CREBBP: variants seen among roughly 807,000 people sequenced by gnomAD.
CREBBP encodes CREB binding lysine acetyltransferase.
Under a neutral mutation model 265.0 loss-of-function variants are expected in CREBBP, and 19 were observed. The observed-to-expected ratio is 0.07, with a 90% confidence interval of 0.05 to 0.11. CREBBP has a LOEUF of 0.11. CREBBP is among the 10% of genes least tolerant of loss of function. The pLI is 1.00. For synonymous variants in CREBBP, 1,457 were observed against 1,223.7 expected, an observed-to-expected ratio of 1.19 and a Z score of -3.98; for missense variants, 2,525 against 3,219.0, an observed-to-expected ratio of 0.78 and a Z score of 5.22.
At position 3,726,250 on chromosome 16, in the gene CREBBP, AGCCGCCTGAACACGGGAAGAAGC is replaced by A. The variant is rs1277213765; in HGVS notation, c.*1445_*1467del. 1 of 223,886 alleles carries A rather than the reference AGCCGCCTGAACACGGGAAGAAGC, an allele frequency of 4.5e-6. No individual in the cohort carries two copies. The highest frequency in any genetic ancestry group is 6.2e-5 in the East Asian group (1 of 16,092). 13.9% of individuals were successfully genotyped at this position (223,886 alleles called of 1,614,324 possible). A position where few individuals can be genotyped will look rare whatever the true frequency, so the allele number is the denominator to read the frequency against. ...CTGGGAGTCGTGTACGGGGGGGGGG[AGCCGCCTGAACACGGGAAGAAGC>A]GCCGCCTCTGGGGGTGGCAGCTACG... is the stretch of plus-strand genomic sequence containing the variant. On this transcript the variant is annotated 3_prime_UTR_variant, in exon 31 of 31. Transcript: ENST00000262367.
At chr16:3,737,454 T>TC (rs2052092521) in intron 26 of CREBBP, among the ~76,000 whole-genome samples, 1 of 149,276 alleles carries the variant, frequency 6.7e-6, no homozygotes, top group African/African-American at 2.6e-5. Context: ...TTTTCTTTTT[T>TC]CTTTTTTTTT....
chr16:3,797,789 T>A (rs570884573), intron 3 of CREBBP, among the ~76,000 whole-genome samples: 14 of 151,488 alleles, frequency 9.2e-5, no homozygotes, highest in South Asian at 8.3e-4. Flanking sequence ...AAAAAAAAAA[T>A]TCACATGAAC....
chr16:3,877,162 C>A (rs573720388), intron 1 of CREBBP, among the ~76,000 whole-genome samples: 1 of 152,190 alleles, frequency 6.6e-6, no homozygotes, highest in Non-Finnish European at 1.5e-5. Context: ...ACCGGGCACA[C>A]ACCCTGCTCC....
chr16:3,791,532 G>C (rs985021447), intron 5 of CREBBP, among the ~76,000 whole-genome samples: 3 of 152,196 alleles, frequency 2.0e-5, no homozygotes, highest in African/African-American at 7.2e-5. Context: ...GACTGACAGA[G>C]CCTTCAAAAT....
intron 2 of CREBBP, among the ~76,000 whole-genome samples, chr16:3,842,967 CAAAAAAAAAAAAAA>C (rs59990532): frequency 7.7e-5 from 5 of 65,228 alleles, no homozygotes; most frequent in Admixed American, 1.8e-4. Context: ...ACTCCCATCT[CAAAAAAAAAAAAAA>C]AAAAAAAAAA....
intron 1 of CREBBP, among the ~76,000 whole-genome samples, chr16:3,862,504 C>T (rs2055097781): frequency 6.6e-6 from 1 of 152,200 alleles, no homozygotes; most frequent in Non-Finnish European, 1.5e-5. Context: ...CTCAACACAG[C>T]ACTTACATTT....
chr16:3,768,778 C>T (rs1241300069), intron 15 of CREBBP, among the ~76,000 whole-genome samples: 1 of 152,170 alleles, frequency 6.6e-6, no homozygotes, highest in African/African-American at 2.4e-5. Context: ...GTGGGCCAAA[C>T]ACATTTAGAG....
intron 27 of CREBBP, 121 bp from the exon 28 acceptor site, chr16:3,736,324 T>C (rs1567269586): frequency 9.5e-7 from 1 of 1,049,454 alleles, no homozygotes; most frequent in Non-Finnish European, 1.5e-6. Flanking sequence ...CATGCATGTG[T>C]GCCCCCCCAC....
At chr16:3,805,195 T>C (rs944647904) in intron 3 of CREBBP, among the ~76,000 whole-genome samples, 2 of 152,230 alleles carry the variant, frequency 1.3e-5, no homozygotes, top group African/African-American at 2.4e-5. Context: ...ATGGAGTCAA[T>C]AGATGTAAAC....
intron 1 of CREBBP, among the ~76,000 whole-genome samples, chr16:3,870,934 T>C (rs1032789455): frequency 3.3e-5 from 5 of 151,070 alleles, no homozygotes; most frequent in Non-Finnish European, 5.9e-5. Context: ...CGAGGCAGGA[T>C]TGCTGAAGGA....
chr16:3,861,858 C>A (rs1798432450), intron 1 of CREBBP, among the ~76,000 whole-genome samples: 1 of 151,956 alleles, frequency 6.6e-6, no homozygotes, highest in South Asian at 2.1e-4. Context: ...ACACACCAAT[C>A]CCTAATTAGA....
chr16:3,728,417 CTGCTGTTGT>C lies in CREBBP; in HGVS notation c.6621_6629del (p.Gln2214_Gln2216del), dbSNP rs727503890. The C allele has an allele frequency of 2.0e-5, 33 of 1,613,124 alleles. No individual in the cohort carries two copies. Among genetic ancestry groups the C allele is most frequent in the East Asian group, 2.2e-5 (1 of 44,870 alleles). On this transcript the variant is annotated inframe_deletion, in exon 31 of 31. Coordinates refer to ENST00000262367, the MANE Select transcript of CREBBP (RefSeq NM_004380.3). The surrounding 1 kb of genome is among the most constrained non-coding windows in gnomAD (Gnocchi z 8.7). ...CACTCCCTTGCTGCTGCTGCTGTTG[CTGCTGTTGT>C]TGCTGCTGCTGTTGCTGCTGCTGCT...
chr16:3,816,507 C>G (rs2054039012), intron 2 of CREBBP, among the ~76,000 whole-genome samples: 1 of 152,124 alleles, frequency 6.6e-6, no homozygotes, highest in African/African-American at 2.4e-5. Context: ...TACAAAGAGG[C>G]ACCTGCAGCA....
chr16:3,842,589 TATC>T (rs556962226), intron 2 of CREBBP, among the ~76,000 whole-genome samples: 1 of 152,208 alleles, frequency 6.6e-6, no homozygotes, highest in Non-Finnish European at 1.5e-5. Flanking sequence ...AAAATAGTAA[TATC>T]ATGTATTGTT....
chr16:3,794,936 T>A (rs1014506862), intron 3 of CREBBP, among the ~76,000 whole-genome samples: 2 of 152,254 alleles, frequency 1.3e-5, no homozygotes, highest in Non-Finnish European at 1.5e-5. Flanking sequence ...TCGGATTTTT[T>A]AAAAATGTAT....
intron 2 of CREBBP, among the ~76,000 whole-genome samples, chr16:3,848,864 C>T (rs1020057070): frequency 6.6e-6 from 1 of 152,148 alleles, no homozygotes; most frequent in Non-Finnish European, 1.5e-5. Flanking sequence ...CTTAAGTTCA[C>T]GTTCCTCTCT....
At chr16:3,769,939 C>T (rs1227171979) in intron 14 of CREBBP, among the ~76,000 whole-genome samples, 1 of 151,858 alleles carries the variant, frequency 6.6e-6, no homozygotes, top group Non-Finnish European at 1.5e-5. Flanking sequence ...GGCGCAATCT[C>T]GGCTCGATAC....
Position 3,879,884 on chromosome 16 carries a change from G to A in CREBBP, c.33C>T (p.Asn11=), listed in dbSNP as rs760605276. The change falls in exon 1 of 31, where the codon AAC becomes AAT. Residue 11 remains asparagine, a synonymous_variant. Transcript: ENST00000262367. MAENLLDGPP[N]PKRAKLSSPG... is the part of the protein sequence containing the mutation. Reference sequence around the variant, plus strand: ...GCGAGCTGAGTTTGGCTCTTTTGGGGTTGGGCGGTCCGTCCAGCAAGTTCT... The same window carrying A: ...GCGAGCTGAGTTTGGCTCTTTTGGGATTGGGCGGTCCGTCCAGCAAGTTCT... 1 of 1,612,842 alleles carries A rather than the reference G, an allele frequency of 6.2e-7. No individual in the cohort carries two copies. The highest frequency in any genetic ancestry group is 1.7e-5 in the Admixed American group (1 of 59,962).
At chr16:3,778,232 A>C in intron 9 of CREBBP, 50 bp from the exon 10 acceptor site, 2 of 1,445,050 alleles carry the variant, frequency 1.4e-6, no homozygotes, top group Non-Finnish European at 1.9e-6. Flanking sequence ...GTAAAAAGCA[A>C]CTGAATGATC....
Sources: allele counts gnomAD v4.1 joint callset (sites outside exome capture counted in the v4.1 genomes callset), GRCh38; gene constraint gnomAD v4.1.1; non-coding constraint Gnocchi (gnomAD v3.1); transcripts MANE v1.5; gene names NCBI Gene and HGNC (gene_info 2026-07-23, HGNC 2026-07-21).